BICC1: variants seen among roughly 807,000 people sequenced by gnomAD.
BICC1 encodes the protein protein bicaudal C homolog 1.
In BICC1, 43 loss-of-function variants were observed where a neutral mutation model predicts 111.0. The ratio of observed to expected loss-of-function variants is 0.39; its 90% CI spans 0.30 to 0.50. BICC1 has a LOEUF of 0.50. BICC1 is among the 20% of genes least tolerant of loss of function. BICC1 has a pLI of 0.88. For missense variants in BICC1, 1,091 were observed against 1,203.2 expected (o/e 0.91, Z 1.38); for synonymous variants, 467 against 434.4 (o/e 1.07, Z -0.93).
In BICC1 at chr10:58,796,399, T is replaced by C; in HGVS notation, c.1239T>C (p.Cys413=). The C allele has an allele frequency of 6.2e-7, 1 of 1,614,084 alleles. No homozygotes were observed. The highest frequency in any genetic ancestry group is 8.5e-7 in the Non-Finnish European group (1 of 1,179,998). ...TAAATATGTATGAAGCAAGGAAATGTCTCCTCGGACTTGAAAGCAGTGGGG... is the reference window on the plus strand; with the variant it reads ...TAAATATGTATGAAGCAAGGAAATGCCTCCTCGGACTTGAAAGCAGTGGGG... ...NALNMYEARK[C]LLGLESSGVT... Residue 413 remains cysteine (C), a synonymous_variant, in exon 10 of 21, where the codon TGT becomes TGC. Coordinates refer to ENST00000373886, the MANE Select transcript of BICC1 (RefSeq NM_001080512.3).
chr10:58,788,493 T>A, intron 6 of BICC1, 70 bp downstream of exon 6: 1 of 1,070,536 alleles, frequency 9.3e-7, no homozygotes, highest in Non-Finnish European at 1.4e-6. Context: ...ACTAAAAATA[T>A]AATAATTTAT....
intron 3 of BICC1, among the ~76,000 whole-genome samples, chr10:58,766,107 C>G (rs1049378640): frequency 9.9e-5 from 15 of 152,120 alleles, no homozygotes; most frequent in African/African-American, 3.6e-4. Flanking sequence ...CCTGCTGATT[C>G]GAAGGTCTTG....
chr10:58,667,998 A>T (rs1839069321), intron 2 of BICC1, among the ~76,000 whole-genome samples: 1 of 152,082 alleles, frequency 6.6e-6, no homozygotes, highest in Non-Finnish European at 1.5e-5. Context: ...CCTTTGTCTC[A>T]TCTTGGCTTA....
intron 1 of BICC1, among the ~76,000 whole-genome samples, chr10:58,619,063 CCTT>C (rs1365363139): frequency 1.3e-5 from 2 of 152,152 alleles, no homozygotes; most frequent in Non-Finnish European, 2.9e-5. Flanking sequence ...TGAGCCCCCT[CCTT>C]CTTTCATTAA....
At chr10:58,755,123 G>GTTT (rs3999628) in intron 3 of BICC1, among the ~76,000 whole-genome samples, 5 of 151,960 alleles carry the variant, frequency 3.3e-5, no homozygotes, top group East Asian at 3.9e-4. Flanking sequence ...ATTTTTCTTT[G>GTTT]TTTTTTGTTT....
intron 8 of BICC1, 50 bp downstream of exon 8, chr10:58,789,983 C>A: frequency 6.3e-7 from 1 of 1,589,670 alleles, no homozygotes; most frequent in Non-Finnish European, 8.6e-7. Flanking sequence ...TCTTTGGATT[C>A]AGTGCATGTT....
intron 3 of BICC1, among the ~76,000 whole-genome samples, chr10:58,719,415 T>G (rs1840866529): frequency 6.6e-6 from 1 of 152,168 alleles, no homozygotes; most frequent in Admixed American, 6.5e-5. Flanking sequence ...GTGGCATGTC[T>G]TCCTGGAAAG....
intron 1 of BICC1, among the ~76,000 whole-genome samples, chr10:58,546,961 T>C (rs1843155080): frequency 6.6e-6 from 1 of 152,286 alleles, no homozygotes; most frequent in Non-Finnish European, 1.5e-5. Flanking sequence ...AGGTTTCTTA[T>C]TTTCTTCACT....
intron 1 of BICC1, among the ~76,000 whole-genome samples, chr10:58,601,160 ATATATATATATCT>A (rs1845021500): frequency 2.2e-5 from 3 of 139,166 alleles, no homozygotes; most frequent in African/African-American, 5.1e-5. Flanking sequence ...ATATATATAT[ATATATATATATCT>A]CCCAATAAAA....
chr10:58,732,229 G>A (rs1017538083), intron 3 of BICC1, among the ~76,000 whole-genome samples: 2 of 149,498 alleles, frequency 1.3e-5, no homozygotes, highest in African/African-American at 2.5e-5. Context: ...CTTTCTTAGG[G>A]AATAAGGAGG....
At chr10:58,592,389 C>T (rs1844648961) in intron 1 of BICC1, among the ~76,000 whole-genome samples, 1 of 152,040 alleles carries the variant, frequency 6.6e-6, no homozygotes, top group African/African-American at 2.4e-5. Context: ...GTTTTTGTTT[C>T]CCTCTATAAA....
chr10:58,724,328 A>G (rs964890332), intron 3 of BICC1, among the ~76,000 whole-genome samples: 2 of 152,196 alleles, frequency 1.3e-5, no homozygotes, highest in African/African-American at 2.4e-5. Context: ...GGGGAAATCA[A>G]ACTATTCTCA....
At chr10:58,788,604 T>C (rs1444597490) in intron 6 of BICC1, among the ~76,000 whole-genome samples, 181 bp downstream of exon 6, 1 of 152,228 alleles carries the variant, frequency 6.6e-6, no homozygotes. Flanking sequence ...TTGTATATGT[T>C]CAAAAAGTGA....
intron 2 of BICC1, among the ~76,000 whole-genome samples, chr10:58,688,155 A>G (rs1589023352): frequency 6.6e-6 from 1 of 152,062 alleles, no homozygotes; most frequent in South Asian, 2.1e-4. Flanking sequence ...AAGATTTATT[A>G]TGAAGAGTGA....
At chr10:58,545,848 A>G (rs1198669957) in intron 1 of BICC1, among the ~76,000 whole-genome samples, 2 of 151,986 alleles carry the variant, frequency 1.3e-5, no homozygotes, top group Admixed American at 6.6e-5. Flanking sequence ...AACAACCCAA[A>G]CTCCTGACTG....
chr10:58,596,847 G>T (rs1476676484), intron 1 of BICC1, among the ~76,000 whole-genome samples: 1 of 152,210 alleles, frequency 6.6e-6, no homozygotes, highest in Non-Finnish European at 1.5e-5. Context: ...AACTTACAGA[G>T]AATGTGAAGG....
chr10:58,814,223 T>G (rs1844012685), intron 18 of BICC1: 16 of 622,538 alleles, frequency 2.6e-5, no homozygotes. Flanking sequence ...AAAGGGCAAT[T>G]ATTTATCTAC....
rs1843458195 is a variant in BICC1 at position 58,799,209 on chromosome 10, C to T, written c.1682C>T (p.Thr561Ile). 4 of 1,612,500 alleles carry T rather than the reference C, an allele frequency of 2.5e-6. No homozygotes were observed. Among genetic ancestry groups the T allele is most frequent in the African/African-American group, 1.3e-5 (1 of 74,888 alleles). The stretch of plus-strand genomic sequence containing the variant: ...GATGTCCATATCAACAGTATGCAGA[C>T]CGAAGGCAAAAAAATCTCTGCTGCT... The part of the protein sequence containing the change: ...PVDVHINSMQ[T>I]EGKKISAALN... Residue 561 changes from threonine (T) to isoleucine (I), a missense_variant, in exon 12 of 21, where the codon ACC becomes ATC. Thr to Ile is a moderately conservative substitution (Grantham distance 89). Coordinates refer to ENST00000373886, the MANE Select transcript of BICC1 (RefSeq NM_001080512.3).
At chr10:58,716,877 G>C (rs1358040717) in intron 3 of BICC1, among the ~76,000 whole-genome samples, 4 of 151,332 alleles carry the variant, frequency 2.6e-5, no homozygotes, top group Non-Finnish European at 5.9e-5. Flanking sequence ...ACTTCACGGG[G>C]AGGTCAGAGC....
Sources: allele counts gnomAD v4.1 joint callset (sites outside exome capture counted in the v4.1 genomes callset), GRCh38; gene constraint gnomAD v4.1.1; transcripts MANE v1.5; gene names NCBI Gene and HGNC (gene_info 2026-07-23, HGNC 2026-07-21).